NRXN3: variants seen among roughly 807,000 people sequenced by gnomAD.
NRXN3 encodes the protein neurexin III.
In NRXN3, 32 loss-of-function variants were observed where a neutral mutation model predicts 137.6. The ratio of observed to expected loss-of-function variants is 0.23; its 90% CI spans 0.18 to 0.31. The LOEUF is 0.31. Ranked by LOEUF, NRXN3 falls within the 10% of genes least tolerant of loss-of-function variation. The pLI is 1.00. For synonymous variants in NRXN3, 798 were observed against 784.5 expected (o/e 1.02, Z -0.29); for missense variants, 1,574 against 2,062.5 (o/e 0.76, Z 4.59).
At chr14:79,066,108 A>G (rs1484794566) in intron 15 of NRXN3, among the ~76,000 whole-genome samples, 6 of 152,112 alleles carry the variant, frequency 3.9e-5, no homozygotes, top group Admixed American at 3.9e-4. Flanking sequence ...ATTTTCTTCT[A>G]GAGTTTTTAT....
chr14:78,350,071 T>A (rs1328996161), intron 4 of NRXN3, among the ~76,000 whole-genome samples: 2 of 152,152 alleles, frequency 1.3e-5, no homozygotes, highest in African/African-American at 4.8e-5. Flanking sequence ...GTGGATCACC[T>A]GATGTCAGGA....
chr14:78,817,825 C>T (rs1203708535), intron 10 of NRXN3, among the ~76,000 whole-genome samples: 2 of 151,352 alleles, frequency 1.3e-5, no homozygotes, highest in East Asian at 3.9e-4. Flanking sequence ...ACTCAAACGC[C>T]TCCCACTGAG....
At chr14:78,267,984 A>G (rs1378943416) in intron 2 of NRXN3, among the ~76,000 whole-genome samples, 2 of 152,184 alleles carry the variant, frequency 1.3e-5, no homozygotes, top group Admixed American at 6.5e-5. Flanking sequence ...TCATGATGAG[A>G]ACAAAAAAAG....
intron 11 of NRXN3, among the ~76,000 whole-genome samples, chr14:78,958,235 A>T (rs1470485366): frequency 6.6e-6 from 1 of 152,098 alleles, no homozygotes; most frequent in Non-Finnish European, 1.5e-5. Context: ...AGAAATCAGG[A>T]GTGGTTTATA....
At chr14:79,480,345 C>T (rs1450946967) in intron 16 of NRXN3, among the ~76,000 whole-genome samples, 1 of 152,064 alleles carries the variant, frequency 6.6e-6, no homozygotes, top group Admixed American at 6.6e-5. Flanking sequence ...AACAGCAAAG[C>T]TTAAATTCAA....
At chr14:79,344,680 G>C (rs1157477725) in intron 15 of NRXN3, among the ~76,000 whole-genome samples, 1 of 152,024 alleles carries the variant, frequency 6.6e-6, no homozygotes, top group East Asian at 1.9e-4. Context: ...AACAGATTCA[G>C]ATTTAAAAAA....
At chr14:79,363,370 A>G (rs1172128196) in intron 15 of NRXN3, among the ~76,000 whole-genome samples, 1 of 152,214 alleles carries the variant, frequency 6.6e-6, no homozygotes, top group East Asian at 1.9e-4. Context: ...GTCAGAAGCT[A>G]TATACCAGTT....
chr14:79,767,821 C>G (rs140714036), intron 19 of NRXN3, among the ~76,000 whole-genome samples: 1 of 152,146 alleles, frequency 6.6e-6, no homozygotes, highest in Admixed American at 6.5e-5. Flanking sequence ...GCGGGAGCAA[C>G]GCAGAAGATG....
At chr14:78,717,872 T>C (rs2098441271) in intron 8 of NRXN3, among the ~76,000 whole-genome samples, 1 of 152,184 alleles carries the variant, frequency 6.6e-6, no homozygotes, top group Admixed American at 6.5e-5. Flanking sequence ...TTATGGCAGA[T>C]GTCTATAGGG....
At chr14:79,005,611 C>T (rs970999686) in intron 15 of NRXN3, among the ~76,000 whole-genome samples, 4 of 152,190 alleles carry the variant, frequency 2.6e-5, no homozygotes, top group African/African-American at 9.6e-5. Flanking sequence ...CTGGGACTCA[C>T]TTTCATAAAC....
intron 15 of NRXN3, among the ~76,000 whole-genome samples, chr14:79,369,160 C>G (rs1245281321): frequency 1.3e-5 from 2 of 152,070 alleles, no homozygotes; most frequent in African/African-American, 4.8e-5. Context: ...AGTTCCAAAA[C>G]TAGGTAGAGG....
chr14:79,140,236 C>T (rs2058665560), intron 15 of NRXN3, among the ~76,000 whole-genome samples: 1 of 152,036 alleles, frequency 6.6e-6, no homozygotes, highest in African/African-American at 2.4e-5. Context: ...CTGATAGATT[C>T]TTGGTTTGGT....
At chr14:79,652,579 T>C (rs1359079723) in intron 16 of NRXN3, among the ~76,000 whole-genome samples, 1 of 152,144 alleles carries the variant, frequency 6.6e-6, no homozygotes, top group Non-Finnish European at 1.5e-5. Flanking sequence ...AATTAGGAGA[T>C]GTGTTCTCTA....
intron 10 of NRXN3, among the ~76,000 whole-genome samples, chr14:78,857,806 TG>T (rs373866720): frequency 9.2e-5 from 14 of 151,742 alleles, no homozygotes; most frequent in African/African-American, 2.7e-4. Flanking sequence ...TAATTAGAGG[TG>T]GTGGGGAAAA....
chr14:79,252,571 G>A (rs567644472), intron 15 of NRXN3, among the ~76,000 whole-genome samples: 1 of 152,084 alleles, frequency 6.6e-6, no homozygotes, highest in Admixed American at 6.6e-5. Context: ...ATGTTTGTTG[G>A]GGGGGTGGTG....
chr14:78,714,679 C>T (rs1222691158), intron 7 of NRXN3, 77 bp from the exon 8 acceptor site: 27 of 1,519,518 alleles, frequency 1.8e-5, no homozygotes, highest in Non-Finnish European at 2.0e-5. Context: ...TGGCTGGGCT[C>T]AGCACTCACC....
In NRXN3 at chr14:78,368,239, C is replaced by G. The variant is rs184611630; in HGVS notation, c.757+70379C>G. ...AACATGTTTTACACAGAGAAAAATTCAAGAGCATTTAAAAACAATGTAGAA... is the reference window on the plus strand; with the variant it reads ...AACATGTTTTACACAGAGAAAAATTGAAGAGCATTTAAAAACAATGTAGAA... On this transcript the variant is annotated intron_variant, in intron 4 of 20. Transcript: ENST00000335750. 2.6e-5 allele frequency among the ~76,000 whole-genome samples: 4 copies of G among 152,234 alleles called. No individual in the cohort carries two copies. In the East Asian group the frequency reaches 5.8e-4, roughly 22 times the overall value.
At chr14:79,542,067 G>A (rs1006758937) in intron 16 of NRXN3, among the ~76,000 whole-genome samples, 1 of 152,196 alleles carries the variant, frequency 6.6e-6, no homozygotes. Context: ...GGGACTGTTT[G>A]CTATTTTGTG....
At chr14:78,630,705 C>T (rs2097513202) in intron 4 of NRXN3, among the ~76,000 whole-genome samples, 1 of 151,586 alleles carries the variant, frequency 6.6e-6, no homozygotes, top group African/African-American at 2.4e-5. Context: ...CCTGGGTTCA[C>T]GCCATTCTCC....
Sources: allele counts gnomAD v4.1 joint callset (sites outside exome capture counted in the v4.1 genomes callset), GRCh38; gene constraint gnomAD v4.1.1; transcripts MANE v1.5; gene names NCBI Gene and HGNC (gene_info 2026-07-23, HGNC 2026-07-21).